The following PTPRG variants were observed in gnomAD, a reference collection of about 807,000 sequenced individuals.
PTPRG encodes receptor-type tyrosine-protein phosphatase gamma.
In PTPRG, 102 loss-of-function variants were observed where a neutral mutation model predicts 165.3. That is an observed-to-expected ratio of 0.62 (90% CI 0.53 to 0.73). PTPRG has a LOEUF of 0.73. PTPRG is among the 30% of genes least tolerant of loss of function. The pLI, the probability that PTPRG is intolerant of heterozygous loss-of-function variation, is 0.00. For missense variants in PTPRG, 1,866 were observed against 1,861.4 expected (o/e 1.00, Z -0.05); for synonymous variants, 675 against 669.5 (o/e 1.01, Z -0.13).
chr3:61,817,333 TA>T (rs1157166301), intron 2 of PTPRG, among the ~76,000 whole-genome samples: 4 of 148,482 alleles, frequency 2.7e-5, no homozygotes, highest in African/African-American at 9.9e-5. Flanking sequence ...AAAACATTGG[TA>T]GGGGGAGATT....
intron 2 of PTPRG, among the ~76,000 whole-genome samples, chr3:61,987,660 A>G (rs1393685199): frequency 6.6e-6 from 1 of 151,042 alleles, no homozygotes; most frequent in Non-Finnish European, 1.5e-5. Context: ...ATATTAAAAC[A>G]TTTAGATTCC....
intron 2 of PTPRG, among the ~76,000 whole-genome samples, chr3:61,920,339 T>C (rs2039047030): frequency 6.7e-6 from 1 of 149,110 alleles, no homozygotes; most frequent in African/African-American, 2.4e-5. Flanking sequence ...AATGAGCATC[T>C]ACTGAGTGTT....
chr3:62,075,313 A>G lies in PTPRG; in HGVS notation c.520-2850A>G, dbSNP rs573749406. Among the ~76,000 whole-genome samples the G allele has an allele frequency of 2.0e-5, 3 of 152,322 alleles. No individual in the cohort carries two copies. The East Asian group carries it at 5.8e-4, about 29-fold the overall frequency. On this transcript the variant is annotated intron_variant, in intron 4 of 29. Coordinates refer to ENST00000474889, the MANE Select transcript of PTPRG (RefSeq NM_002841.4). ...TTGAGGGCCTGAGTTTTAAAAAGAA[A>G]GTGAAGTGTAATTTTCTGAATACAC...
intron 9 of PTPRG, among the ~76,000 whole-genome samples, chr3:62,194,600 C>T (rs1004533041): frequency 1.3e-5 from 2 of 152,030 alleles, no homozygotes; most frequent in African/African-American, 2.4e-5. Flanking sequence ...GGCAGATGAT[C>T]GAGACCAGCC....
At chr3:62,116,817 C>G (rs144618766) in intron 5 of PTPRG, among the ~76,000 whole-genome samples, 186 of 152,324 alleles carry the variant, frequency 1.2e-3, no homozygotes, top group Non-Finnish European at 2.5e-3. Context: ...ACCTCAATGT[C>G]TAATGGGAAG....
intron 24 of PTPRG, 124 bp from the exon 25 acceptor site, chr3:62,276,848 T>C (rs1322982445): frequency 9.9e-6 from 7 of 706,086 alleles, no homozygotes; most frequent in Non-Finnish European, 1.7e-5. Flanking sequence ...TTTAAAAATA[T>C]AGATAAGTCT....
intron 4 of PTPRG, among the ~76,000 whole-genome samples, chr3:62,029,061 C>T (rs566531966): frequency 6.6e-6 from 1 of 152,154 alleles, no homozygotes; most frequent in Non-Finnish European, 1.5e-5. Flanking sequence ...TGGGCCTATA[C>T]CTGTGATCCT....
At chr3:61,595,859 A>G (rs1259997585) in intron 1 of PTPRG, among the ~76,000 whole-genome samples, 1 of 152,236 alleles carries the variant, frequency 6.6e-6, no homozygotes, top group African/African-American at 2.4e-5. Flanking sequence ...TCAGTAAACA[A>G]AGTGTTTAAA....
intron 6 of PTPRG, among the ~76,000 whole-genome samples, chr3:62,144,443 C>G (rs918939001): frequency 1.2e-4 from 18 of 152,204 alleles, no homozygotes; most frequent in African/African-American, 4.1e-4. Flanking sequence ...ATTATTTTCT[C>G]CCTTTTGAAC....
chr3:62,192,229 T>A (rs1699848254), intron 9 of PTPRG, among the ~76,000 whole-genome samples: 2 of 151,968 alleles, frequency 1.3e-5, no homozygotes, highest in African/African-American at 4.8e-5. Flanking sequence ...TCTCAGATAC[T>A]CAAATGCTAT....
chr3:62,039,712 T>C (rs1023518626), intron 4 of PTPRG, among the ~76,000 whole-genome samples: 1 of 152,170 alleles, frequency 6.6e-6, no homozygotes, highest in African/African-American at 2.4e-5. Flanking sequence ...TTGGGGTGAT[T>C]AGCGATGTAG....
chr3:61,842,425 G>T (rs371829062), intron 2 of PTPRG, among the ~76,000 whole-genome samples: 2 of 152,268 alleles, frequency 1.3e-5, no homozygotes, highest in African/African-American at 4.8e-5. Context: ...TACCAGAAAT[G>T]TCCCTTTAGG....
intron 2 of PTPRG, among the ~76,000 whole-genome samples, chr3:61,845,336 T>G (rs1160388064): frequency 6.6e-6 from 1 of 152,198 alleles, no homozygotes; most frequent in Non-Finnish European, 1.5e-5. Flanking sequence ...AGGTTATAGA[T>G]GAGGACAAAT....
At chr3:61,640,541 C>G (rs1056129735) in intron 1 of PTPRG, among the ~76,000 whole-genome samples, 3 of 152,176 alleles carry the variant, frequency 2.0e-5, no homozygotes, top group East Asian at 1.9e-4. Context: ...GGGAGGTACT[C>G]TTATCCCATT....
intron 2 of PTPRG, among the ~76,000 whole-genome samples, chr3:61,894,653 T>C (rs4624555): frequency 0.2 from 30,547 of 151,858 alleles, 3,973 homozygotes; most frequent in Middle Eastern, 0.33. Flanking sequence ...ATATTAGATA[T>C]TAAGTGTCAA....
intron 1 of PTPRG, among the ~76,000 whole-genome samples, chr3:61,726,810 G>C (rs932212827): frequency 6.6e-6 from 1 of 152,144 alleles, no homozygotes; most frequent in African/African-American, 2.4e-5. Flanking sequence ...CACTTTGGGA[G>C]GCCGAGGCGG....
At chr3:61,567,542 T>C (rs1174062243) in intron 1 of PTPRG, among the ~76,000 whole-genome samples, 2 of 151,642 alleles carry the variant, frequency 1.3e-5, no homozygotes, top group African/African-American at 2.4e-5. Flanking sequence ...GGGTGCACTC[T>C]TTTGTCCCCA....
rs138272003 is a variant in PTPRG, at chr3:61,909,059, G to T, written c.191-80566G>T. On this transcript the variant is annotated intron_variant, in intron 2 of 29. Transcript: ENST00000474889. ...GAAATGGGGTTTTTCTACCCCTTCT[G>T]ATAACTGGGTACTTTTAATGGCAAG... 6.4e-4 allele frequency among the ~76,000 whole-genome samples: 97 copies of T among 152,252 alleles called. No individual in the cohort carries two copies. The East Asian group carries it at 7.7e-3, about 12-fold the overall frequency.
chr3:62,069,767 A>C (rs2661881), intron 4 of PTPRG, among the ~76,000 whole-genome samples: 1 of 149,728 alleles, frequency 6.7e-6, no homozygotes, highest in Non-Finnish European at 1.5e-5. Context: ...TAGCTAAGTT[A>C]CTCTAGCTAA....
Sources: allele counts gnomAD v4.1 joint callset (sites outside exome capture counted in the v4.1 genomes callset), GRCh38; gene constraint gnomAD v4.1.1; transcripts MANE v1.5; gene names NCBI Gene and HGNC (gene_info 2026-07-23, HGNC 2026-07-21).